Variants in DGKB observed in about 807,000 individuals in gnomAD.
The protein encoded by DGKB is diacylglycerol kinase beta, also known as 90 kDa diacylglycerol kinase.
A neutral mutation model predicts 114.3 loss-of-function variants in DGKB; 67 were observed. The observed-to-expected ratio is 0.59, with a 90% CI of 0.48 to 0.72. DGKB has a LOEUF of 0.72. DGKB is among the 30% of genes least tolerant of loss of function. DGKB has a pLI of 0.00. For synonymous variants in DGKB, 398 were observed against 323.1 expected (o/e 1.23, Z -2.49); for missense variants, 907 against 975.2 (o/e 0.93, Z 0.93).
intron 1 of DGKB, among the ~76,000 whole-genome samples, chr7:14,878,455 CAA>C (rs1241060645): frequency 6.6e-6 from 1 of 151,954 alleles, no homozygotes; most frequent in Non-Finnish European, 1.5e-5. Context: ...TTAAAAATAT[CAA>C]AGAGTTGGCC....
At chr7:14,242,609 G>A (rs941809645) in intron 23 of DGKB, among the ~76,000 whole-genome samples, 13 of 152,026 alleles carry the variant, frequency 8.6e-5, no homozygotes, top group East Asian at 7.7e-4. Context: ...AAATCCTGAC[G>A]GTTGTTCATA....
At chr7:14,875,743 A>G (rs73056914) in intron 1 of DGKB, among the ~76,000 whole-genome samples, 220 of 152,210 alleles carry the variant, frequency 1.4e-3, no homozygotes, top group Admixed American at 4.9e-3. Context: ...GTTGGGCCAC[A>G]TGTGGCCCAG....
chr7:14,592,565 G>A (rs1404508356), intron 17 of DGKB, among the ~76,000 whole-genome samples: 2 of 151,656 alleles, frequency 1.3e-5, no homozygotes, highest in Admixed American at 6.6e-5. Context: ...CAATATTTAT[G>A]GTCTAGAAAA....
chr7:14,149,347 C>T, intron 25 of DGKB, 109 bp from the exon 26 acceptor site: 3 of 712,374 alleles, frequency 4.2e-6, no homozygotes, highest in Non-Finnish European at 6.8e-6. Context: ...TCATGAGTGA[C>T]TGAAACACCG....
intron 20 of DGKB, among the ~76,000 whole-genome samples, chr7:14,558,780 G>A (rs369310011): frequency 4.9e-4 from 74 of 152,286 alleles, no homozygotes; most frequent in African/African-American, 1.8e-3. Context: ...TGTAGGTTCA[G>A]TATGTTTGGC....
At chr7:14,856,033 C>T (rs561733081) in intron 1 of DGKB, among the ~76,000 whole-genome samples, 12 of 143,962 alleles carry the variant, frequency 8.3e-5, no homozygotes, top group Non-Finnish European at 9.1e-5. Context: ...AATTAACATA[C>T]TCCTAAACCT....
chr7:14,782,829 A>ATG (rs751688040), intron 2 of DGKB, among the ~76,000 whole-genome samples: 3 of 150,148 alleles, frequency 2.0e-5, no homozygotes, highest in African/African-American at 7.3e-5. Context: ...TCACATGATT[A>ATG]TATATATATA....
chr7:14,266,024 G>A (rs753888179), intron 23 of DGKB, among the ~76,000 whole-genome samples: 4 of 152,082 alleles, frequency 2.6e-5, no homozygotes, highest in East Asian at 1.9e-4. Context: ...AGACTAAGTC[G>A]GTAAATGCTA....
At chr7:14,394,287 T>A (rs548453651) in intron 21 of DGKB, among the ~76,000 whole-genome samples, 1 of 152,318 alleles carries the variant, frequency 6.6e-6, no homozygotes, top group East Asian at 1.9e-4. Context: ...TACTAAATTG[T>A]TCTCTGCTTA....
At chr7:14,917,049 G>A (rs543714072) in intron 1 of DGKB, among the ~76,000 whole-genome samples, 1 of 151,984 alleles carries the variant, frequency 6.6e-6, no homozygotes, top group African/African-American at 2.4e-5. Flanking sequence ...CAAATAAAAT[G>A]TCTCCAAAGA....
chr7:14,733,412 C>G (rs185776106), intron 5 of DGKB, among the ~76,000 whole-genome samples: 5 of 152,242 alleles, frequency 3.3e-5, no homozygotes, highest in Admixed American at 2.0e-4. Context: ...GAAGGCCAGA[C>G]GCCATGGCTC....
chr7:14,726,692 C>T (rs1830082691), intron 5 of DGKB, among the ~76,000 whole-genome samples: 1 of 152,156 alleles, frequency 6.6e-6, no homozygotes, highest in African/African-American at 2.4e-5. Flanking sequence ...TGTTTGTGAA[C>T]ATGTATTTAT....
At chr7:14,425,603 A>G (rs1191675895) in intron 21 of DGKB, among the ~76,000 whole-genome samples, 1 of 152,204 alleles carries the variant, frequency 6.6e-6, no homozygotes, top group Non-Finnish European at 1.5e-5. Context: ...GATAGTCAGT[A>G]TTAGACATAA....
chr7:14,644,512 A>G (rs954797784), intron 13 of DGKB, among the ~76,000 whole-genome samples: 3 of 152,230 alleles, frequency 2.0e-5, no homozygotes, highest in Non-Finnish European at 2.9e-5. Flanking sequence ...GAGAAATTCA[A>G]CAAAGATGTC....
chr7:14,886,396 G>A (rs928671684), intron 1 of DGKB, among the ~76,000 whole-genome samples: 3 of 151,830 alleles, frequency 2.0e-5, no homozygotes, highest in Admixed American at 6.6e-5. Context: ...CGGCTCAAAA[G>A]TCCTTCATAT....
intron 21 of DGKB, among the ~76,000 whole-genome samples, chr7:14,465,105 G>T (rs1299446404): frequency 1.3e-5 from 2 of 152,222 alleles, no homozygotes; most frequent in African/African-American, 4.8e-5. Context: ...ACAGAAAGAG[G>T]CACCTCCTCC....
At chr7:14,187,006 T>A (rs1043256496) in intron 23 of DGKB, among the ~76,000 whole-genome samples, 13 of 151,424 alleles carry the variant, frequency 8.6e-5, no homozygotes, top group African/African-American at 2.9e-4. Flanking sequence ...TGTATCCCAA[T>A]AACTTATGGA....
chr7:14,492,580 G>A (rs1784744192), intron 20 of DGKB, among the ~76,000 whole-genome samples: 2 of 152,004 alleles, frequency 1.3e-5, no homozygotes, highest in African/African-American at 2.4e-5. Context: ...CAGAATTAAT[G>A]GGTATTAGAT....
chr7:14,506,857 A>C (rs887731883), intron 20 of DGKB, among the ~76,000 whole-genome samples: 1 of 152,216 alleles, frequency 6.6e-6, no homozygotes, highest in Non-Finnish European at 1.5e-5. Context: ...ACCATTGATT[A>C]GCTCTGGCCA....
Sources: gnomAD v4.1 joint callset for allele counts (sites outside exome capture counted in the v4.1 genomes callset) on GRCh38, gnomAD v4.1.1 for gene constraint, MANE v1.5 for transcripts, NCBI Gene and HGNC (gene_info 2026-07-23, HGNC 2026-07-21) for gene names.